INTS6: variants seen among roughly 807,000 people sequenced by gnomAD.
The protein encoded by INTS6 is DEAD box protein.
In INTS6, 16 loss-of-function variants were observed where a neutral mutation model predicts 104.9. The ratio of observed to expected loss-of-function variants is 0.15; its 90% CI spans 0.10 to 0.23. The LOEUF is 0.23. Ranked by LOEUF, INTS6 falls within the 10% of genes least tolerant of loss-of-function variation. The pLI, the probability that INTS6 is intolerant of heterozygous loss-of-function variation, is 1.00. For missense variants in INTS6, 584 were observed against 1,062.8 expected, an observed-to-expected ratio of 0.55 and a Z score of 6.26; for synonymous variants, 324 against 358.7, an observed-to-expected ratio of 0.90 and a Z score of 1.09.
intron 3 of INTS6, chr13:51,449,457 A>T: frequency 2.0e-6 from 2 of 984,778 alleles, no homozygotes; most frequent in Non-Finnish European, 1.2e-6. Context: ...CCTCTCCATG[A>T]CAAGCAGTTT....
In INTS6 at chr13:51,374,457, A is replaced by G; in HGVS notation, c.1873-18T>C. ...ATCATACCCTTTAGCAAAAAAGAAT[A>G]CAACTTTCTTGAATTTACAAACAAT... On this transcript the variant is annotated intron_variant, in intron 14 of 17. Transcript: ENST00000311234. The G allele has an allele frequency of 6.2e-7, 1 of 1,605,630 alleles. No individual in the cohort carries two copies. The highest frequency in any genetic ancestry group is 8.5e-7 in the Non-Finnish European group (1 of 1,172,700).
chr13:51,387,362 A>G (rs747937108), intron 7 of INTS6, 24 bp downstream of exon 7: 4 of 1,584,108 alleles, frequency 2.5e-6, no homozygotes, highest in Non-Finnish European at 2.6e-6. Context: ...TTACTATTAC[A>G]TAGTTACAGT....
At chr13:51,434,990 G>A (rs919375832) in intron 3 of INTS6, among the ~76,000 whole-genome samples, 2 of 151,976 alleles carry the variant, frequency 1.3e-5, no homozygotes, top group Non-Finnish European at 2.9e-5. Flanking sequence ...TTATATTTAA[G>A]AGCAATTATT....
In INTS6 at chr13:51,369,046, G is replaced by A. The variant is rs775514750; in HGVS notation, c.2369C>T (p.Ala790Val). 10 of 1,613,624 alleles carry A rather than the reference G, an allele frequency of 6.2e-6. No homozygotes were observed. Among genetic ancestry groups the A allele is most frequent in the Admixed American group, 5.0e-5 (3 of 59,974 alleles). The change falls in exon 16 of 18, where the codon GCA becomes GTA. Residue 790 changes from alanine (A) to valine (V), a missense_variant. Ala to Val is a moderately conservative substitution (Grantham distance 64). Coordinates refer to ENST00000311234, the MANE Select transcript of INTS6 (RefSeq NM_012141.3). ...TTTCTTTCCTTTGTTGAGTGAAGAT[G>A]CTGGTATGTTCTCTTCAGCACATTG... ...KEQCAEENIP[A>V]SSLNKGKKLM... is the part of the protein sequence containing the mutation.
chr13:51,416,766 G>A (rs1226473758), intron 4 of INTS6, among the ~76,000 whole-genome samples: 1 of 152,122 alleles, frequency 6.6e-6, no homozygotes, highest in Non-Finnish European at 1.5e-5. Context: ...TTAGCATAAG[G>A]TAACTCTATG....
chr13:51,343,853 T>C, the INTS6 span, among the ~76,000 whole-genome samples: 2 of 152,214 alleles, frequency 1.3e-5, no homozygotes, highest in Admixed American at 1.3e-4. Flanking sequence ...AATCTCCTGA[T>C]GTGTTTGAAA....
intron 5 of INTS6, among the ~76,000 whole-genome samples, chr13:51,390,775 T>C (rs777112632): frequency 1.3e-5 from 2 of 152,094 alleles, no homozygotes; most frequent in African/African-American, 4.8e-5. Context: ...CTTAACTGTA[T>C]AAAATAATGA....
intron 3 of INTS6, chr13:51,446,937 A>C (rs1327508219): frequency 6.6e-6 from 1 of 152,176 alleles, no homozygotes; most frequent in Admixed American, 6.5e-5. Context: ...AAGATAAAAA[A>C]GTTCTGGATA....
At chr13:51,441,824 CT>C (rs67702309) in intron 3 of INTS6, 210 of 143,004 alleles carry the variant, frequency 1.5e-3, no homozygotes, top group Middle Eastern at 3.6e-3. Flanking sequence ...CACCTCCAGC[CT>C]TTTTTTTTTT....
At chr13:51,373,643 A>G (rs1188770304) in intron 15 of INTS6, among the ~76,000 whole-genome samples, 1 of 152,224 alleles carries the variant, frequency 6.6e-6, no homozygotes, top group Non-Finnish European at 1.5e-5. Context: ...GCATAAGCAA[A>G]CGGCACAGCT....
At chr13:51,378,130 GT>G in intron 12 of INTS6, 108 bp downstream of exon 12, 1 of 787,886 alleles carries the variant, frequency 1.3e-6, no homozygotes, top group South Asian at 1.6e-5. Context: ...GAGTACAGAA[GT>G]ACTCTTTAAA....
chr13:51,429,785 A>AATATAT (rs201277531), intron 4 of INTS6, among the ~76,000 whole-genome samples: 21 of 92,358 alleles, frequency 2.3e-4, no homozygotes, highest in East Asian at 9.8e-4. Flanking sequence ...AAAAAAAAAA[A>AATATAT]ATATATATAT....
chr13:51,452,548 G>A lies in INTS6; in HGVS notation c.-23C>T. On this transcript the variant is annotated 5_prime_UTR_variant, in exon 1 of 18. Coordinates refer to ENST00000311234, the MANE Select transcript of INTS6 (RefSeq NM_012141.3). This position sits in a 1 kb window ranked among gnomAD's most constrained non-coding sequence, Gnocchi z 4.2. ...CATAGTGCTGGCCGGGGACACCGGG[G>A]CCCGAGGTGGTGGAGAAAGAGGAGA... 3.1e-6 allele frequency: 5 copies of A among 1,607,320 alleles called. No homozygotes were observed. Among genetic ancestry groups the A allele is most frequent in the Non-Finnish European group, 4.3e-6 (5 of 1,176,094 alleles).
At chr13:51,361,157 C>A, downstream of INTS6, 2 of 613,856 alleles carry the variant, frequency 3.3e-6, no homozygotes, top group South Asian at 2.5e-5. Context: ...CTTTCCCTAG[C>A]TACACAGTAA....
chr13:51,376,951 T>C (rs1387339497), intron 12 of INTS6, among the ~76,000 whole-genome samples: 1 of 152,128 alleles, frequency 6.6e-6, no homozygotes, highest in East Asian at 1.9e-4. Context: ...GAATGACTGA[T>C]TGTACAGCAA....
Position 51,375,734 on chromosome 13 carries a change from GGTGTGTGTGTGTGT to G in INTS6, c.1729+300_1729+313del, listed in dbSNP as rs71684515. Among the ~76,000 whole-genome samples the G allele has an allele frequency of 2.9e-3, 429 of 147,684 alleles. 2 individuals carry two copies. The highest frequency in any genetic ancestry group is 9.8e-3 in the African/African-American group (400 of 40,958). The stretch of plus-strand genomic sequence containing the variant: ...TTTTAAGTATACAGTTTGATAAGTG[GGTGTGTGTGTGTGT>G]GTGTGTGTGTGTGTGTGTGCGCGCG... On this transcript the variant is annotated intron_variant, in intron 13 of 17. Transcript: ENST00000311234.
chr13:51,360,916 A>G (rs147129627), downstream of INTS6, among the ~76,000 whole-genome samples: 1,398 of 152,130 alleles, frequency 9.2e-3, 19 homozygotes, highest in African/African-American at 0.032. Flanking sequence ...TGATCACTGA[A>G]GTTTAGGAAA....
At chr13:51,374,131 A>C (rs1955867698) in intron 15 of INTS6, 77 bp downstream of exon 15, 1 of 1,181,874 alleles carries the variant, frequency 8.5e-7, no homozygotes, top group Admixed American at 1.9e-5. Context: ...TTCCTTCTAT[A>C]ATCTATAACA....
At chr13:51,442,506 A>G (rs1204124722) in intron 3 of INTS6, 1 of 152,154 alleles carries the variant, frequency 6.6e-6, no homozygotes, top group Non-Finnish European at 1.5e-5. Flanking sequence ...GTAAACTTTT[A>G]TTCTTCAGAT....
Sources: gnomAD v4.1 joint callset for allele counts (sites outside exome capture counted in the v4.1 genomes callset) on GRCh38, gnomAD v4.1.1 for gene constraint, Gnocchi (gnomAD v3.1) non-coding constraint, MANE v1.5 for transcripts, NCBI Gene and HGNC (gene_info 2026-07-23, HGNC 2026-07-21) for gene names.